The following MRPS9 variants were observed in gnomAD, a reference collection of about 807,000 sequenced individuals.
MRPS9 encodes mitochondrial ribosomal protein S9.
A neutral mutation model predicts 59.9 loss-of-function variants in MRPS9; 45 were observed. The observed-to-expected ratio is 0.75, with a 90% CI of 0.59 to 0.96. The LOEUF is 0.96. Among genes scored for constraint, MRPS9 ranks in the 40% least tolerant of loss-of-function variants. The probability of loss-of-function intolerance (pLI) is 0.00; values close to 1 mark genes in which losing one functional copy is unlikely to be tolerated. For missense variants in MRPS9, 473 were observed against 481.1 expected (o/e 0.98, Z 0.16); for synonymous variants, 171 against 166.8 (o/e 1.03, Z -0.19).
At position 105,044,348 on chromosome 2, in the gene MRPS9, A is replaced by G. The variant is rs191894494; in HGVS notation, c.136-4823A>G. Reference sequence around the variant, plus strand: ...TCACCTTATTTAATGGATTGTACCAATGAATAATGGACTCCTTTGAATGTA... The same window carrying G: ...TCACCTTATTTAATGGATTGTACCAGTGAATAATGGACTCCTTTGAATGTA... On this transcript the variant is annotated intron_variant, in intron 1 of 10. Transcript: ENST00000258455. 3.3e-5 allele frequency among the ~76,000 whole-genome samples: 5 copies of G among 152,360 alleles called. No homozygotes were observed. In the East Asian group the frequency reaches 9.6e-4, roughly 29 times the overall value.
chr2:105,094,844 A>G (rs1406696822), intron 9 of MRPS9, among the ~76,000 whole-genome samples: 1 of 152,244 alleles, frequency 6.6e-6, no homozygotes, highest in Non-Finnish European at 1.5e-5. Context: ...GTATTCAGAC[A>G]TAACTCCTGA....
intron 5 of MRPS9, among the ~76,000 whole-genome samples, chr2:105,083,391 G>C (rs1469166433): frequency 6.6e-6 from 1 of 152,172 alleles, no homozygotes; most frequent in Non-Finnish European, 1.5e-5. Context: ...GCTTGGGCCT[G>C]TCCAGGATGA....
chr2:105,082,127 G>A (rs1352410062), intron 5 of MRPS9, among the ~76,000 whole-genome samples: 1 of 152,194 alleles, frequency 6.6e-6, no homozygotes, highest in Admixed American at 6.5e-5. Context: ...TTCCCACTGT[G>A]AGTGATCACA....
chr2:105,099,764 G>T lies in MRPS9; in HGVS notation c.*3G>T. The T allele has an allele frequency of 6.2e-7, 1 of 1,614,008 alleles. No individual in the cohort carries two copies. The highest frequency in any genetic ancestry group is 8.5e-7 in the Non-Finnish European group (1 of 1,179,962). On this transcript the variant is annotated 3_prime_UTR_variant, in exon 11 of 11. Transcript: ENST00000258455. ...AGTTTACGTGGAAGAAACGCTAAGGGTTTGCTCCCAGGAAAGGAGAGGAAG... is the reference window on the plus strand; with the variant it reads ...AGTTTACGTGGAAGAAACGCTAAGGTTTTGCTCCCAGGAAAGGAGAGGAAG...
At chr2:105,052,689 G>A (rs902537266) in intron 2 of MRPS9, among the ~76,000 whole-genome samples, 3 of 152,162 alleles carry the variant, frequency 2.0e-5, no homozygotes, top group African/African-American at 4.8e-5. Context: ...TCAAGAATTT[G>A]TATTAATTCC....
chr2:105,050,855 T>C (rs1679699512), intron 2 of MRPS9, among the ~76,000 whole-genome samples: 2 of 152,210 alleles, frequency 1.3e-5, no homozygotes, highest in South Asian at 4.1e-4. Flanking sequence ...GTATTTGGTC[T>C]TTAGTGACTG....
At position 105,092,573 on chromosome 2, in the gene MRPS9, A is replaced by G. The variant is rs373808192; in HGVS notation, c.820+4A>G. ...ATGGCCTTTAGCAAAAGTGAAGGTA[A>G]TGACATTCTGTGGAGAGAAAATAAA... On this transcript the variant is annotated splice_donor_region_variant and intron_variant, in intron 8 of 10. Coordinates refer to ENST00000258455, the MANE Select transcript of MRPS9 (RefSeq NM_182640.3). 1.9e-6 allele frequency: 3 copies of G among 1,550,230 alleles called. No homozygotes were observed. Among genetic ancestry groups the G allele is most frequent in the African/African-American group, 2.8e-5 (2 of 72,638 alleles).
chr2:105,071,580 G>T (rs1411932730), intron 4 of MRPS9, 91 bp downstream of exon 4: 15 of 1,268,954 alleles, frequency 1.2e-5, no homozygotes, highest in Middle Eastern at 2.6e-4. Flanking sequence ...ATATCGTAGG[G>T]TGGCCTTCCT....
At position 105,044,161 on chromosome 2, in the gene MRPS9, C is replaced by A. The variant is rs189168813; in HGVS notation, c.136-5010C>A. On this transcript the variant is annotated intron_variant, in intron 1 of 10. Coordinates refer to ENST00000258455, the MANE Select transcript of MRPS9 (RefSeq NM_182640.3). ...ATGTTGGCCAGGCTAGTGTCGAACT[C>A]CTGACAGTTGATCCGCCCACTTCGG... Among the ~76,000 whole-genome samples, 509 of 152,222 alleles carry A rather than the reference C, an allele frequency of 3.3e-3. 5 individuals carry two copies. The highest frequency in any genetic ancestry group is 0.011 in the African/African-American group (473 of 41,538).
At chr2:105,056,822 T>C (rs1167329177) in intron 2 of MRPS9, among the ~76,000 whole-genome samples, 1 of 152,122 alleles carries the variant, frequency 6.6e-6, no homozygotes. Flanking sequence ...ACAATGTGAG[T>C]TGGTAAAAAG....
chr2:105,070,039 C>T (rs1371284430), intron 2 of MRPS9, among the ~76,000 whole-genome samples: 1 of 151,812 alleles, frequency 6.6e-6, no homozygotes, highest in East Asian at 1.9e-4. Flanking sequence ...ACCTTTTTTC[C>T]CTGCAGCAAA....
intron 5 of MRPS9, among the ~76,000 whole-genome samples, chr2:105,086,925 T>G (rs976545537): frequency 2.6e-4 from 39 of 152,110 alleles, no homozygotes; most frequent in Admixed American, 2.2e-3. Flanking sequence ...ATCCATTTTT[T>G]TTGGTGGGGG....
intron 2 of MRPS9, among the ~76,000 whole-genome samples, chr2:105,062,740 T>G (rs1263285249): frequency 6.6e-6 from 1 of 152,202 alleles, no homozygotes; most frequent in Admixed American, 6.5e-5. Context: ...GTAAATAAAA[T>G]GAAAATTTAC....
intron 8 of MRPS9, among the ~76,000 whole-genome samples, 179 bp from the exon 9 acceptor site, chr2:105,093,351 C>T (rs1294257508): frequency 6.6e-6 from 1 of 152,104 alleles, no homozygotes; most frequent in African/African-American, 2.4e-5. Flanking sequence ...AGCTTTATTG[C>T]ATCTGTTGTG....
At chr2:105,075,442 C>T (rs1299884437) in intron 4 of MRPS9, among the ~76,000 whole-genome samples, 1 of 152,182 alleles carries the variant, frequency 6.6e-6, no homozygotes, top group African/African-American at 2.4e-5. Flanking sequence ...CGCCAAAGGT[C>T]TAATGAGAAA....
chr2:105,069,878 T>C (rs1208642489), intron 2 of MRPS9, among the ~76,000 whole-genome samples: 1 of 150,616 alleles, frequency 6.6e-6, no homozygotes, highest in Non-Finnish European at 1.5e-5. Flanking sequence ...CTGGGTGTGA[T>C]GGTGCAAGCC....
chr2:105,094,686 G>A (rs1366208972), intron 9 of MRPS9, among the ~76,000 whole-genome samples: 4 of 152,182 alleles, frequency 2.6e-5, no homozygotes, highest in Admixed American at 2.6e-4. Flanking sequence ...AATTAGTTCT[G>A]CTATTATCCT....
chr2:105,099,543 A>G (rs762659772), intron 10 of MRPS9, 127 bp from the exon 11 acceptor site: 22 of 716,268 alleles, frequency 3.1e-5, no homozygotes, highest in Non-Finnish European at 4.2e-5. Flanking sequence ...GTAAATTATT[A>G]CTGGTCTGGT....
chr2:105,047,423 T>C lies in MRPS9; in HGVS notation c.136-1748T>C, dbSNP rs558109917. ...TCCTGTATTTTTTCTTATATTTTCTTGTGTAACTTTAGTGACAAATTACTG... is the reference window on the plus strand; with the variant it reads ...TCCTGTATTTTTTCTTATATTTTCTCGTGTAACTTTAGTGACAAATTACTG... On this transcript the variant is annotated intron_variant, in intron 1 of 10. Coordinates refer to ENST00000258455, the MANE Select transcript of MRPS9 (RefSeq NM_182640.3). Among the ~76,000 whole-genome samples, 3 of 152,156 alleles carry C rather than the reference T, an allele frequency of 2.0e-5. No individual in the cohort carries two copies. In the East Asian group the frequency reaches 5.8e-4, roughly 29 times the overall value.
Sources: gnomAD v4.1 joint callset for allele counts (sites outside exome capture counted in the v4.1 genomes callset) on GRCh38, gnomAD v4.1.1 for gene constraint, MANE v1.5 for transcripts, NCBI Gene and HGNC (gene_info 2026-07-23, HGNC 2026-07-21) for gene names.